NQO1: variants seen among roughly 807,000 people sequenced by gnomAD.
NQO1 encodes NAD(P)H quinone dehydrogenase 1, also known as NAD(P)H dehydrogenase [quinone] 1.
In NQO1, 30 loss-of-function variants were observed where a neutral mutation model predicts 32.1. The ratio of observed to expected loss-of-function variants is 0.94; its 90% confidence interval spans 0.70 to 1.27. The LOEUF (loss-of-function observed/expected upper bound fraction) is 1.27. Among genes scored for constraint, NQO1 ranks in the 50% most tolerant of loss-of-function variants. The pLI, the probability that NQO1 is intolerant of heterozygous loss-of-function variation, is 0.00. For missense variants in NQO1, 276 were observed against 331.3 expected, an observed-to-expected ratio of 0.83 and a Z score of 1.30; for synonymous variants, 109 against 119.7, an observed-to-expected ratio of 0.91 and a Z score of 0.59.
intron 5 of NQO1, among the ~76,000 whole-genome samples, chr16:69,712,112 G>C (rs2038049197): frequency 6.6e-6 from 1 of 152,124 alleles, no homozygotes; most frequent in Non-Finnish European, 1.5e-5. Context: ...CTTCGAAACA[G>C]GGTCTCGCCC....
At chr16:69,721,372 G>T (rs2038187393) in intron 1 of NQO1, among the ~76,000 whole-genome samples, 2 of 152,090 alleles carry the variant, frequency 1.3e-5, no homozygotes, top group South Asian at 4.1e-4. Context: ...CCCAGCACGG[G>T]GCTCACCTGC....
At position 69,710,711 on chromosome 16, in the gene NQO1, T is replaced by TCGGTGGTCACCGTATCA; in HGVS notation, c.*264_*265insTGATACGGTGACCACCG. On this transcript the variant is annotated 3_prime_UTR_variant, in exon 6 of 6. Coordinates refer to ENST00000320623, the MANE Select transcript of NQO1 (RefSeq NM_000903.3). ...AGAGGAATTAAATTGTGTAGATGCC[T>TCGGTGGTCACCGTATCA]TTAAAGAACATTTTTCTAGCATCTT... The TCGGTGGTCACCGTATCA allele has an allele frequency of 2.4e-6, 1 of 417,390 alleles. No individual in the cohort carries two copies. Among genetic ancestry groups the TCGGTGGTCACCGTATCA allele is most frequent in the South Asian group, 3.7e-5 (1 of 26,836 alleles). The allele number at this position is 417,390 out of a possible 1,614,324, so 25.9% of individuals were successfully genotyped here. A position where few individuals can be genotyped will look rare whatever the true frequency, so the allele number is the denominator to read the frequency against.
chr16:69,725,833 C>T (rs1399415561), intron 1 of NQO1, among the ~76,000 whole-genome samples: 2 of 152,146 alleles, frequency 1.3e-5, no homozygotes, highest in Admixed American at 6.6e-5. Context: ...GAGATAGCGC[C>T]ATTGCACTAC....
intron 4 of NQO1, 101 bp downstream of exon 4, chr16:69,714,863 G>A: frequency 1.2e-6 from 1 of 812,646 alleles, no homozygotes; most frequent in East Asian, 2.6e-5. Flanking sequence ...TGGGCAACAA[G>A]AGGGAAGCTC....
intron 1 of NQO1, among the ~76,000 whole-genome samples, chr16:69,721,234 G>C (rs1002561315): frequency 2.6e-5 from 4 of 152,082 alleles, no homozygotes; most frequent in Non-Finnish European, 4.4e-5. Flanking sequence ...TGTTTTAAAC[G>C]TGTCCCCCTC....
intron 1 of NQO1, among the ~76,000 whole-genome samples, chr16:69,720,204 T>A (rs2038170878): frequency 6.6e-6 from 1 of 152,028 alleles, no homozygotes; most frequent in Non-Finnish European, 1.5e-5. Context: ...GAGGCTGCAG[T>A]GATCCGTGAT....
At chr16:69,714,067 C>T (rs940568167) in intron 4 of NQO1, among the ~76,000 whole-genome samples, 20 of 152,028 alleles carry the variant, frequency 1.3e-4, no homozygotes, top group South Asian at 4.2e-4. Flanking sequence ...TTAGTAGAGA[C>T]GGGGTTTCGC....
intron 1 of NQO1, among the ~76,000 whole-genome samples, chr16:69,719,177 C>T (rs935159864): frequency 6.6e-6 from 1 of 152,148 alleles, no homozygotes; most frequent in African/African-American, 2.4e-5. Context: ...AAATAACACC[C>T]AGGGTTATTA....
intron 1 of NQO1, among the ~76,000 whole-genome samples, chr16:69,722,295 T>C (rs2038202968): frequency 6.6e-6 from 1 of 152,102 alleles, no homozygotes; most frequent in African/African-American, 2.4e-5. Flanking sequence ...TCCGAATAGC[T>C]GGGATTACAG....
chr16:69,718,981 G>A (rs1253863428), intron 1 of NQO1, among the ~76,000 whole-genome samples: 2 of 150,238 alleles, frequency 1.3e-5, no homozygotes, highest in Non-Finnish European at 2.9e-5. Context: ...GTTGCAGTGA[G>A]CCAAGATTGC....
At chr16:69,713,250 A>G in intron 4 of NQO1, 121 bp from the exon 5 acceptor site, 3 of 749,842 alleles carry the variant, frequency 4.0e-6, no homozygotes, top group Non-Finnish European at 6.7e-6. Context: ...TGTTTATATT[A>G]CTTCATACTT....
At chr16:69,726,281 T>G in intron 1 of NQO1, 152 bp downstream of exon 1, 1 of 1,024,240 alleles carries the variant, frequency 9.8e-7, no homozygotes, top group Non-Finnish European at 1.4e-6. Context: ...TCTCCCGGAG[T>G]CCGATCAAGG....
intron 1 of NQO1, among the ~76,000 whole-genome samples, chr16:69,719,067 C>T (rs1276736768): frequency 6.6e-6 from 1 of 150,928 alleles, no homozygotes; most frequent in African/African-American, 2.4e-5. Context: ...CGTGACCTGT[C>T]AGGAAAAGCA....
At chr16:69,719,233 A>C (rs2038158521) in intron 1 of NQO1, among the ~76,000 whole-genome samples, 1 of 152,198 alleles carries the variant, frequency 6.6e-6, no homozygotes, top group South Asian at 2.1e-4. Context: ...TGGGGATAAG[A>C]ACTGCCTCAA....
chr16:69,714,422 C>T (rs565952442), intron 4 of NQO1, among the ~76,000 whole-genome samples: 2 of 151,766 alleles, frequency 1.3e-5, no homozygotes, highest in South Asian at 4.2e-4. Flanking sequence ...CTGCCTGCCT[C>T]GGCCTCCCAA....
intron 1 of NQO1, among the ~76,000 whole-genome samples, chr16:69,721,255 G>C (rs988984521): frequency 6.6e-6 from 1 of 152,122 alleles, no homozygotes; most frequent in Non-Finnish European, 1.5e-5. Context: ...CAAAATTCAG[G>C]TGCTGCCAAT....
chr16:69,714,436 G>A (rs1295685625), intron 4 of NQO1, among the ~76,000 whole-genome samples: 1 of 151,770 alleles, frequency 6.6e-6, no homozygotes, highest in South Asian at 2.1e-4. Flanking sequence ...CTCCCAAAGT[G>A]CTGAAATTAC....
rs2038025151 is a variant in NQO1 at position 69,710,555 on chromosome 16, G to T, written c.*421C>A. On this transcript the variant is annotated 3_prime_UTR_variant, in exon 6 of 6. Transcript: ENST00000320623. ...TACCAAACAAGTTAAGTCCCTTAGG[G>T]CAGGTAGATTCAGTCTTTTCCTTCT... The T allele has an allele frequency of 5.7e-6, 1 of 174,104 alleles. No homozygotes were observed. Among genetic ancestry groups the T allele is most frequent in the Non-Finnish European group, 1.2e-5 (1 of 81,878 alleles). The allele number at this position is 174,104 out of a possible 1,614,324, so 10.8% of individuals were successfully genotyped here.
At chr16:69,725,231 A>G (rs79080198) in intron 1 of NQO1, among the ~76,000 whole-genome samples, 1,587 of 152,172 alleles carry the variant, frequency 0.01, 28 homozygotes, top group African/African-American at 0.036. Flanking sequence ...CTGTTCCTCC[A>G]CTCACTTTGA....
Sources: allele counts gnomAD v4.1 joint callset (sites outside exome capture counted in the v4.1 genomes callset), GRCh38; gene constraint gnomAD v4.1.1; transcripts MANE v1.5; gene names NCBI Gene and HGNC (gene_info 2026-07-23, HGNC 2026-07-21).